The following AMPH variants were observed in gnomAD, a reference collection of about 807,000 sequenced individuals.
AMPH encodes amphiphysin (Stiff-Mann syndrome with breast cancer 128kD autoantigen).
AMPH carries 49 observed loss-of-function variants against 99.1 expected under a neutral mutation model. The observed-to-expected ratio is 0.49, with a 90% CI of 0.39 to 0.63. AMPH has a LOEUF of 0.63. Among genes scored for constraint, AMPH ranks in the 20% least tolerant of loss-of-function variants. The pLI, the probability that AMPH is intolerant of heterozygous loss-of-function variation, is 0.00. For missense variants in AMPH, 759 were observed against 863.4 expected (o/e 0.88, Z 1.52); for synonymous variants, 314 against 317.3 (o/e 0.99, Z 0.11).
chr7:38,416,599 C>A (rs185862534), intron 17 of AMPH, among the ~76,000 whole-genome samples: 2 of 152,272 alleles, frequency 1.3e-5, no homozygotes, highest in East Asian at 3.9e-4. Context: ...AAATTATCTT[C>A]TTAATTATAA....
chr7:38,521,405 C>T (rs1320847215), intron 2 of AMPH, among the ~76,000 whole-genome samples: 1 of 152,128 alleles, frequency 6.6e-6, no homozygotes, highest in Non-Finnish European at 1.5e-5. Flanking sequence ...CCTGTAATCC[C>T]ACCTACTCAA....
At chr7:38,396,170 C>T (rs980157933) in intron 17 of AMPH, among the ~76,000 whole-genome samples, 1 of 152,132 alleles carries the variant, frequency 6.6e-6, no homozygotes, top group African/African-American at 2.4e-5. Context: ...CATGGTTTGG[C>T]TCTGTGTCCC....
chr7:38,554,223 T>C (rs1477459520), intron 1 of AMPH, among the ~76,000 whole-genome samples: 1 of 152,214 alleles, frequency 6.6e-6, no homozygotes, highest in African/African-American at 2.4e-5. Context: ...TGATTTCTGG[T>C]GGCTTCCCAA....
At chr7:38,450,049 AG>A (rs1786945954) in intron 11 of AMPH, among the ~76,000 whole-genome samples, 1 of 152,184 alleles carries the variant, frequency 6.6e-6, no homozygotes, top group Non-Finnish European at 1.5e-5. Context: ...CAGAGACATA[AG>A]GGTAGAAAAG....
chr7:38,579,869 A>G (rs62444238), intron 1 of AMPH, among the ~76,000 whole-genome samples: 21,741 of 152,236 alleles, frequency 0.14, 1,862 homozygotes, highest in Non-Finnish European at 0.2. Context: ...TGTGTAAATT[A>G]TGCCTAGGGA....
chr7:38,487,376 A>G (rs1454190446), intron 5 of AMPH, among the ~76,000 whole-genome samples: 1 of 152,200 alleles, frequency 6.6e-6, no homozygotes, highest in Non-Finnish European at 1.5e-5. Context: ...CCATACATCT[A>G]CAACCATCTG....
chr7:38,519,259 G>T (rs972975914), intron 2 of AMPH, among the ~76,000 whole-genome samples: 1 of 152,156 alleles, frequency 6.6e-6, no homozygotes, highest in Non-Finnish European at 1.5e-5. Context: ...AACAGACTAA[G>T]ACAGCATCTC....
At chr7:38,534,036 A>AC (rs141541420) in intron 2 of AMPH, among the ~76,000 whole-genome samples, 12,767 of 152,090 alleles carry the variant, frequency 0.084, 740 homozygotes, top group Middle Eastern at 0.21. Context: ...CTGTTTCTCA[A>AC]CCTCTTTTTC....
chr7:38,389,957 A>G, intron 19 of AMPH, 52 bp from the exon 20 acceptor site: 3 of 1,366,130 alleles, frequency 2.2e-6, no homozygotes, highest in Non-Finnish European at 3.1e-6. Flanking sequence ...GATTTCAAGC[A>G]GACACTCTTA....
rs1336122411 is a variant in AMPH at position 38,384,660 on chromosome 7, A to AT, written c.*157dup. 1 of 582,554 alleles carries AT rather than the reference A, an allele frequency of 1.7e-6. No individual in the cohort carries two copies. Among genetic ancestry groups the AT allele is most frequent in the Non-Finnish European group, 3.0e-6 (1 of 330,396 alleles). The allele number at this position is 582,554 out of a possible 1,614,324, so 36.1% of individuals were successfully genotyped here. ...CTTAATTTACTTTTTTTCCTCTTAC[A>AT]TTTTTTTGCACACATGCTCCATTGA... On this transcript the variant is annotated 3_prime_UTR_variant, in exon 21 of 21. Transcript: ENST00000356264.
intron 5 of AMPH, among the ~76,000 whole-genome samples, chr7:38,480,092 CT>C (rs1307280846): frequency 1.3e-5 from 2 of 152,038 alleles, no homozygotes; most frequent in African/African-American, 4.8e-5. Context: ...ATGGTTATGG[CT>C]TACAAGGCAT....
chr7:38,449,295 T>C (rs1786915897), intron 11 of AMPH, among the ~76,000 whole-genome samples: 1 of 152,220 alleles, frequency 6.6e-6, no homozygotes, highest in African/African-American at 2.4e-5. Context: ...GTGCTTACAA[T>C]GCTGTCACAC....
intron 12 of AMPH, among the ~76,000 whole-genome samples, chr7:38,434,430 G>T (rs1464221662): frequency 6.6e-6 from 1 of 152,068 alleles, no homozygotes; most frequent in Non-Finnish European, 1.5e-5. Flanking sequence ...CAGAAACTTT[G>T]CATCTGCCAC....
intron 15 of AMPH, among the ~76,000 whole-genome samples, chr7:38,422,961 T>G (rs925102069): frequency 2.0e-5 from 3 of 152,154 alleles, no homozygotes; most frequent in African/African-American, 7.2e-5. Flanking sequence ...CCCCTTTTAT[T>G]TTAAATCATT....
At chr7:38,406,291 G>A (rs536054973) in intron 17 of AMPH, among the ~76,000 whole-genome samples, 11 of 151,932 alleles carry the variant, frequency 7.2e-5, no homozygotes, top group South Asian at 2.1e-4. Context: ...ACAATCTAAC[G>A]TCACACCTCA....
At chr7:38,476,999 A>C in intron 5 of AMPH, 30 bp from the exon 6 acceptor site, 1 of 1,597,472 alleles carries the variant, frequency 6.3e-7, no homozygotes, top group South Asian at 1.1e-5. Context: ...TCACTAAGAA[A>C]GAAGCATGGA....
intron 1 of AMPH, among the ~76,000 whole-genome samples, chr7:38,592,893 A>C (rs940108973): frequency 1.3e-5 from 2 of 152,204 alleles, no homozygotes; most frequent in South Asian, 4.1e-4. Flanking sequence ...TTGAGAAGCC[A>C]AGGCCAACCT....
chr7:38,426,644 C>T (rs957408714), intron 15 of AMPH, among the ~76,000 whole-genome samples: 17 of 152,116 alleles, frequency 1.1e-4, no homozygotes, highest in Admixed American at 2.0e-4. Context: ...GTAGAGGAAT[C>T]GGTAGAAGGT....
At chr7:38,414,731 T>C (rs1483891171) in intron 17 of AMPH, among the ~76,000 whole-genome samples, 2 of 152,088 alleles carry the variant, frequency 1.3e-5, no homozygotes, top group African/African-American at 4.8e-5. Context: ...ATGGTTAAGA[T>C]CTCAGCTCAC....
Sources: allele counts gnomAD v4.1 joint callset (sites outside exome capture counted in the v4.1 genomes callset), GRCh38; gene constraint gnomAD v4.1.1; transcripts MANE v1.5; gene names NCBI Gene and HGNC (gene_info 2026-07-23, HGNC 2026-07-21).